Variants in SLC39A2 observed in about 807,000 individuals in gnomAD.
The protein encoded by SLC39A2 is solute carrier family 39 member 2.
Under a neutral mutation model 18.0 loss-of-function variants are expected in SLC39A2, and 14 were observed. The ratio of observed to expected loss-of-function variants is 0.78; its 90% CI spans 0.51 to 1.22. The LOEUF (loss-of-function observed/expected upper bound fraction) is 1.22. Among genes scored for constraint, SLC39A2 ranks in the 50% most tolerant of loss-of-function variants. The pLI is 0.00. For missense variants in SLC39A2, 375 were observed against 370.6 expected (o/e 1.01, Z -0.10); for synonymous variants, 152 against 153.1 (o/e 0.99, Z 0.05).
intron 2 of SLC39A2, 87 bp from the exon 3 acceptor site, chr14:21,000,029 C>A: frequency 1.4e-6 from 2 of 1,460,940 alleles, no homozygotes; most frequent in South Asian, 1.3e-5. Context: ...TCAGATTAGG[C>A]TTTAAGGAAA....
chr14:21,001,805 G>C lies in SLC39A2; in HGVS notation c.*226G>C, dbSNP rs1880640354. 4.9e-6 allele frequency: 2 copies of C among 407,696 alleles called. No homozygotes were observed. The highest frequency in any genetic ancestry group is 8.6e-6 in the Non-Finnish European group (2 of 231,846). The allele number at this position is 407,696 out of a possible 1,614,324, so 25.3% of individuals were successfully genotyped here. A position where few individuals can be genotyped will look rare whatever the true frequency, so the allele number is the denominator to read the frequency against. On this transcript the variant is annotated 3_prime_UTR_variant, in exon 4 of 4. Coordinates refer to ENST00000298681, the MANE Select transcript of SLC39A2 (RefSeq NM_014579.4). ...CTATTAATTGGAGAATTGGTACAGA[G>C]ACGCTCCAGATTTTATTCTTATCCC...
chr14:20,999,459 C>CT lies in SLC39A2; in HGVS notation c.14dup (p.Gly6ArgfsTer30). 2 of 1,613,854 alleles carry CT rather than the reference C, an allele frequency of 1.2e-6. No homozygotes were observed. Among genetic ancestry groups the CT allele is most frequent in the South Asian group, 1.1e-5 (1 of 91,076 alleles). ...CTACACCCCAGAGATGGAGCAACTA[C>CT]TAGGAATAAAACTTGGCTGCCTGTT... On this transcript the variant is annotated frameshift_variant, in exon 1 of 4. Coordinates refer to ENST00000298681, the MANE Select transcript of SLC39A2 (RefSeq NM_014579.4). LOFTEE classifies it high-confidence loss of function.
rs1416026728 is a variant in SLC39A2 at position 20,999,422 on chromosome 14, C to A, written c.-25C>A. The A allele has an allele frequency of 6.4e-7, 1 of 1,555,906 alleles. No individual in the cohort carries two copies. The highest frequency in any genetic ancestry group is 1.7e-5 in the Admixed American group (1 of 59,966). ...TTACAGCTCCCTTGTCATTCTGACT[C>A]CTGGGCTTACCCTACACCCCAGAGA... On this transcript the variant is annotated 5_prime_UTR_variant, in exon 1 of 4. Coordinates refer to ENST00000298681, the MANE Select transcript of SLC39A2 (RefSeq NM_014579.4).
In SLC39A2 at chr14:21,000,102, T is replaced by C. The variant is rs1159511507; in HGVS notation, c.247-14T>C. ...GCTCCATCCCACATCTAATTTCTGC[T>C]GCTTTCTTCTTAGAACAGATCAGCA... On this transcript the variant is annotated splice_polypyrimidine_tract_variant and intron_variant, in intron 2 of 3. Coordinates refer to ENST00000298681, the MANE Select transcript of SLC39A2 (RefSeq NM_014579.4). The C allele has an allele frequency of 7.5e-6, 12 of 1,607,966 alleles. No homozygotes were observed. The highest frequency in any genetic ancestry group is 1.0e-5 in the Non-Finnish European group (12 of 1,177,188).
rs1264487369 is a variant in SLC39A2 at position 21,001,356 on chromosome 14, C to T, written c.707C>T (p.Pro236Leu). The T allele has an allele frequency of 1.2e-6, 2 of 1,614,198 alleles. No homozygotes were observed. Among genetic ancestry groups the T allele is most frequent in the Admixed American group, 1.7e-5 (1 of 60,028 alleles). ...FSILLLALMS[P>L]LGLAVGLAVT... is the part of the protein sequence containing the mutation. ...ATACTATTATTAGCTCTCATGTCCCCCCTGGGCCTAGCCGTAGGGCTGGCT... is the reference window on the plus strand; with the variant it reads ...ATACTATTATTAGCTCTCATGTCCCTCCTGGGCCTAGCCGTAGGGCTGGCT... The change falls in exon 4 of 4, where the codon CCC becomes CTC. Residue 236 changes from proline (P) to leucine (L), a missense_variant. Physicochemically the swap from Pro to Leu is moderately conservative, Grantham distance 98. Coordinates refer to ENST00000298681, the MANE Select transcript of SLC39A2 (RefSeq NM_014579.4).
rs1007298312 is a variant in SLC39A2, at chr14:21,001,452, C to A, written c.803C>A (p.Thr268Asn). ...QAVLEGVAAG[T>N]FLYVTFLEIL... is the part of the protein sequence containing the mutation. ...GTGTTAGAGGGTGTGGCAGCTGGTA[C>A]CTTCCTGTATGTCACCTTCCTAGAA... The change falls in exon 4 of 4, where the codon ACC becomes AAC. Residue 268 changes from threonine (T) to asparagine (N), a missense_variant. Transcript: ENST00000298681. The A allele has an allele frequency of 1.2e-6, 2 of 1,613,838 alleles. No individual in the cohort carries two copies. The highest frequency in any genetic ancestry group is 2.7e-5 in the African/African-American group (2 of 74,932).
In SLC39A2 at chr14:21,001,557, C is replaced by G. The variant is rs1232793826; in HGVS notation, c.908C>G (p.Ala303Gly). 3.8e-6 allele frequency: 6 copies of G among 1,564,698 alleles called. No homozygotes were observed. The Admixed American group carries it at 9.5e-5, about 25-fold the overall frequency. Residue 303 changes from alanine (A) to glycine (G), a missense_variant, in exon 4 of 4, where the codon GCC becomes GGC. Transcript: ENST00000298681. ...SCVAAGFAFMAFIALWA is the reference protein window; with the variant it reads ...SCVAAGFAFMGFIALWA ...GTAGCCGCTGGTTTTGCCTTCATGG[C>G]CTTTATTGCCTTGTGGGCCTGAGAG... is the stretch of plus-strand genomic sequence containing the variant.
Position 21,001,488 on chromosome 14 carries a change from G to A in SLC39A2, c.839G>A (p.Arg280Gln), listed in dbSNP as rs140359641. The A allele has an allele frequency of 1.7e-4, 273 of 1,613,552 alleles. No homozygotes were observed. Among genetic ancestry groups the A allele is most frequent in the Non-Finnish European group, 2.1e-4 (246 of 1,179,618 alleles). The change falls in exon 4 of 4, where the codon CGG becomes CAG. Residue 280 changes from arginine to glutamine, a missense_variant. Arg to Gln is a conservative substitution (Grantham distance 43, BLOSUM62 1). Transcript: ENST00000298681. ...LYVTFLEILPRELASPEAPLA... is the reference protein window; with the variant it reads ...LYVTFLEILPQELASPEAPLA... ...GTCACCTTCCTAGAAATTCTTCCAC[G>A]GGAGCTAGCTAGTCCTGAGGCCCCT...
At chr14:21,000,300 G>A in intron 3 of SLC39A2, 134 bp downstream of exon 3, 1 of 639,614 alleles carries the variant, frequency 1.6e-6, no homozygotes, top group Non-Finnish European at 2.7e-6. Context: ...ACATCGTAGA[G>A]GAAAAGAGGA....
chr14:20,999,690 CT>C, intron 1 of SLC39A2, 51 bp from the exon 2 acceptor site: 1 of 1,611,058 alleles, frequency 6.2e-7, no homozygotes, highest in Non-Finnish European at 8.5e-7. Flanking sequence ...CTTTACTCAC[CT>C]TTGTCTGTCT....
chr14:21,001,374 G>C lies in SLC39A2; in HGVS notation c.725G>C (p.Gly242Ala), dbSNP rs1364018821. Residue 242 changes from glycine to alanine, a missense_variant, in exon 4 of 4, where the codon GGG becomes GCG. Physicochemically the swap from Gly to Ala is moderately conservative, Grantham distance 60. Transcript: ENST00000298681. ...ALMSPLGLAV[G>A]LAVTGGDSEG... is the part of the protein sequence containing the mutation. ...ATGTCCCCCCTGGGCCTAGCCGTAG[G>C]GCTGGCTGTGACTGGAGGGGACTCT... is the stretch of plus-strand genomic sequence containing the variant. 6.2e-7 allele frequency: 1 copy of C among 1,614,158 alleles called. No individual in the cohort carries two copies. The highest frequency in any genetic ancestry group is 1.7e-5 in the Admixed American group (1 of 60,026).
rs1880633674 is a variant in SLC39A2, at chr14:21,001,543, T to A, written c.894T>A (p.Gly298=). 6.3e-7 allele frequency: 1 copy of A among 1,583,122 alleles called. No individual in the cohort carries two copies. The highest frequency in any genetic ancestry group is 8.6e-7 in the Non-Finnish European group (1 of 1,166,346). The change falls in exon 4 of 4, where the codon GGT becomes GGA. Residue 298 remains glycine, a synonymous_variant. Transcript: ENST00000298681. ...CTAAGTGGAGCTGTGTAGCCGCTGGTTTTGCCTTCATGGCCTTTATTGCCT... is the reference window on the plus strand; with the variant it reads ...CTAAGTGGAGCTGTGTAGCCGCTGGATTTGCCTTCATGGCCTTTATTGCCT... The part of the protein sequence containing the change: ...PLAKWSCVAA[G]FAFMAFIALW...
intron 3 of SLC39A2, among the ~76,000 whole-genome samples, chr14:21,000,474 G>A (rs560873891): frequency 2.1e-4 from 32 of 152,160 alleles, no homozygotes; most frequent in African/African-American, 7.0e-4. Context: ...TGTTGTTGTT[G>A]TTTTTCGTTT....
At position 21,001,220 on chromosome 14, in the gene SLC39A2, G is replaced by C; in HGVS notation, c.571G>C (p.Ala191Pro). The C allele has an allele frequency of 6.2e-7, 1 of 1,614,204 alleles. No individual in the cohort carries two copies. ...TGTGGGGCTGCAGCCGACAGTAGCA[G>C]CTACCGTGCAGCTCTGCCTTGCTGT... Reference protein sequence around the residue: ...LAVGLQPTVAATVQLCLAVLA... With the variant: ...LAVGLQPTVAPTVQLCLAVLA... Residue 191 changes from alanine to proline, a missense_variant, in exon 4 of 4, where the codon GCT (alanine) becomes CCT (proline). Physicochemically the swap from Ala to Pro is conservative, Grantham distance 27. Transcript: ENST00000298681.
rs138343150 is a variant in SLC39A2 at position 21,001,558 on chromosome 14, C to T, written c.909C>T (p.Ala303=). The change falls in exon 4 of 4, where the codon GCC becomes GCT. Residue 303 remains alanine (A), a synonymous_variant. Coordinates refer to ENST00000298681, the MANE Select transcript of SLC39A2 (RefSeq NM_014579.4). The part of the protein sequence containing the change: ...SCVAAGFAFM[A]FIALWA ...TAGCCGCTGGTTTTGCCTTCATGGC[C>T]TTTATTGCCTTGTGGGCCTGAGAGA... 1.2e-5 allele frequency: 18 copies of T among 1,564,544 alleles called. No homozygotes were observed. The African/African-American group carries it at 2.0e-4, about 18-fold the overall frequency.
chr14:20,999,380 C>A lies in SLC39A2; in HGVS notation c.-67C>A. ...CTCCAGTGTTGACCACCTAAGATAC[C>A]ACTCCTGCTCCAAAGATTACAGCTC... On this transcript the variant is annotated 5_prime_UTR_variant, in exon 1 of 4. Coordinates refer to ENST00000298681, the MANE Select transcript of SLC39A2 (RefSeq NM_014579.4). 8.3e-7 allele frequency: 1 copy of A among 1,202,356 alleles called. No individual in the cohort carries two copies. The highest frequency in any genetic ancestry group is 1.2e-6 in the Non-Finnish European group (1 of 808,150). 74.5% of individuals were successfully genotyped at this position (1,202,356 alleles called of 1,614,324 possible). A position where few individuals can be genotyped will look rare whatever the true frequency, so the allele number is the denominator to read the frequency against.
intron 2 of SLC39A2, 111 bp downstream of exon 2, chr14:20,999,983 A>C: frequency 2.0e-6 from 3 of 1,501,952 alleles, no homozygotes; most frequent in Non-Finnish European, 2.7e-6. Flanking sequence ...AACGACAAGG[A>C]AAATGACAGC....
chr14:21,000,160 A>G lies in SLC39A2; in HGVS notation c.291A>G (p.Ser97=). 1 of 1,611,892 alleles carries G rather than the reference A, an allele frequency of 6.2e-7. No homozygotes were observed. The highest frequency in any genetic ancestry group is 8.5e-7 in the Non-Finnish European group (1 of 1,178,546). The change falls in exon 3 of 4, where the codon TCA becomes TCG. Residue 97 remains serine, a synonymous_variant. Transcript: ENST00000298681. ...SERNSSGDAD[S]AHMEYPYGEL... The stretch of plus-strand genomic sequence containing the variant: ...GAAATTCTTCTGGTGATGCTGATTC[A>G]GCTCATGTAAGTACCTCCCACCATC...
Position 20,999,830 on chromosome 14 carries a change from C to T in SLC39A2, c.204C>T (p.Ala68=). The T allele has an allele frequency of 6.2e-7, 1 of 1,614,036 alleles. No individual in the cohort carries two copies. The highest frequency in any genetic ancestry group is 1.7e-4 in the Middle Eastern group (1 of 6,050). ...GGTTCATGCATATGACTGCTGAAGC[C>T]CTGGAGGAAATTGAATCACAGATTC... The part of the protein sequence containing the change: ...GAGFMHMTAE[A]LEEIESQIQK... The change falls in exon 2 of 4, where the codon GCC becomes GCT. Residue 68 remains alanine, a synonymous_variant. Transcript: ENST00000298681.
Sources: allele counts gnomAD v4.1 joint callset (sites outside exome capture counted in the v4.1 genomes callset), GRCh38; gene constraint gnomAD v4.1.1; transcripts MANE v1.5; gene names NCBI Gene and HGNC (gene_info 2026-07-23, HGNC 2026-07-21).